Variants in ELMO1 observed in about 807,000 individuals in gnomAD.
ELMO1 encodes engulfment and cell motility protein 1.
ELMO1 carries 26 observed loss-of-function variants against 98.9 expected under a neutral mutation model. The ratio of observed to expected loss-of-function variants is 0.26; its 90% CI spans 0.19 to 0.36. The LOEUF (loss-of-function observed/expected upper bound fraction) is 0.36, where lower values mean the gene tolerates loss of function less well. ELMO1 is among the 10% of genes least tolerant of loss of function. ELMO1 has a pLI of 1.00. For missense variants in ELMO1, 627 were observed against 935.2 expected (o/e 0.67, Z 4.30); for synonymous variants, 346 against 346.0 (o/e 1.00, Z 0.00).
chr7:37,182,447 T>C (rs920646165), intron 13 of ELMO1, among the ~76,000 whole-genome samples: 3 of 139,080 alleles, frequency 2.2e-5, no homozygotes, highest in African/African-American at 8.1e-5. Context: ...AGATCATGAG[T>C]GCTCTTGTGC....
intron 1 of ELMO1, among the ~76,000 whole-genome samples, chr7:37,343,493 T>C (rs1042172414): frequency 7.0e-6 from 1 of 142,732 alleles, no homozygotes; most frequent in African/African-American, 2.6e-5. Flanking sequence ...ATTTCTTTTT[T>C]TTTTTTTTTT....
chr7:37,414,054 C>T (rs149796643), intron 1 of ELMO1, among the ~76,000 whole-genome samples: 241 of 147,066 alleles, frequency 1.6e-3, no homozygotes, highest in African/African-American at 5.6e-3. Flanking sequence ...CAATTTACCT[C>T]CACTTTAATA....
rs1057490305 is a variant in ELMO1, at chr7:37,332,517, C to G, written c.78+10096G>C. ...ATCCGGTCTGAAGAGTCAGAAAAGG[C>G]CTTAGAGAAAGGTCTAAGGAACTTA... On this transcript the variant is annotated intron_variant, in intron 2 of 21. Coordinates refer to ENST00000310758, the MANE Select transcript of ELMO1 (RefSeq NM_014800.11). Among the ~76,000 whole-genome samples, 5 of 152,142 alleles carry G rather than the reference C, an allele frequency of 3.3e-5. No individual in the cohort carries two copies. In the South Asian group the frequency reaches 1.0e-3, roughly 32 times the overall value.
chr7:36,994,615 C>T (rs1280433687), intron 16 of ELMO1, among the ~76,000 whole-genome samples: 1 of 152,228 alleles, frequency 6.6e-6, no homozygotes, highest in African/African-American at 2.4e-5. Flanking sequence ...GTCTCCCATT[C>T]CTTCCTCCTC....
intron 14 of ELMO1, among the ~76,000 whole-genome samples, chr7:37,105,861 G>A (rs1449967854): frequency 1.3e-5 from 2 of 152,148 alleles, no homozygotes; most frequent in East Asian, 1.9e-4. Context: ...GGTGGTTGCC[G>A]GGGGCTGAGA....
rs770533648 is a variant in ELMO1, at chr7:37,225,049, C to T, written c.550-19G>A. The T allele has an allele frequency of 9.3e-6, 15 of 1,613,682 alleles. No individual in the cohort carries two copies. The African/African-American group carries it at 1.9e-4, about 20-fold the overall frequency. On this transcript the variant is annotated intron_variant, in intron 8 of 21. Transcript: ENST00000310758. ...TTGCTATCTGAAAATCCAAGTGGGA[C>T]ACAATTGACTGCTCGTGGTAAGTAG...
intron 16 of ELMO1, among the ~76,000 whole-genome samples, chr7:36,976,530 T>C (rs1338426661): frequency 1.3e-5 from 2 of 152,184 alleles, no homozygotes; most frequent in African/African-American, 4.8e-5. Flanking sequence ...AAGAGAAGTA[T>C]CCCATTGGGA....
At chr7:36,910,682 C>T (rs1327752228) in intron 16 of ELMO1, among the ~76,000 whole-genome samples, 1 of 152,154 alleles carries the variant, frequency 6.6e-6, no homozygotes, top group Non-Finnish European at 1.5e-5. Context: ...ACAGTGCAGA[C>T]CTTGCACTGT....
chr7:37,310,927 G>A, intron 4 of ELMO1, among the ~76,000 whole-genome samples: 1 of 149,666 alleles, frequency 6.7e-6, no homozygotes, highest in East Asian at 1.9e-4. Context: ...ACAATGCTTA[G>A]TGCTGTCTCA....
intron 13 of ELMO1, among the ~76,000 whole-genome samples, chr7:37,194,240 T>A (rs550002024): frequency 2.4e-4 from 36 of 152,316 alleles, no homozygotes; most frequent in African/African-American, 7.2e-4. Flanking sequence ...CTTCTGGCTA[T>A]CTCCAGCTGA....
chr7:37,081,854 T>C (rs1029737193), intron 15 of ELMO1, among the ~76,000 whole-genome samples: 3 of 152,172 alleles, frequency 2.0e-5, no homozygotes, highest in Non-Finnish European at 4.4e-5. Context: ...CAATGAACCC[T>C]GCGAGGCCTT....
intron 13 of ELMO1, among the ~76,000 whole-genome samples, chr7:37,175,427 G>A (rs1005679167): frequency 2.6e-5 from 4 of 152,152 alleles, no homozygotes; most frequent in Non-Finnish European, 4.4e-5. Context: ...CTCCCCTTAG[G>A]ACAGCTGAAA....
At chr7:37,420,612 A>G (rs1469476605) in intron 1 of ELMO1, among the ~76,000 whole-genome samples, 1 of 152,210 alleles carries the variant, frequency 6.6e-6, no homozygotes, top group African/African-American at 2.4e-5. Context: ...TGGCTAAAGG[A>G]AGGTGGCATG....
Position 36,855,023 on chromosome 7 carries a change from A to G in ELMO1, c.*528T>C. ...AGGCAAAAGCAGGGAGAGAGGTGGG[A>G]GGAGATTTGAGCGCAGATCTTAATT... On this transcript the variant is annotated 3_prime_UTR_variant, in exon 22 of 22. Transcript: ENST00000310758. The surrounding 1 kb of genome is among the most constrained non-coding windows in gnomAD (Gnocchi z 4.2). 1 of 167,582 alleles carries G rather than the reference A, an allele frequency of 6.0e-6. No homozygotes were observed. The highest frequency in any genetic ancestry group is 1.3e-5 in the Non-Finnish European group (1 of 76,380). The allele number at this position is 167,582 out of a possible 1,614,324, so 10.4% of individuals were successfully genotyped here. A position where few individuals can be genotyped will look rare whatever the true frequency, so the allele number is the denominator to read the frequency against.
At chr7:37,065,707 G>C (rs1217204716) in intron 15 of ELMO1, among the ~76,000 whole-genome samples, 1 of 152,100 alleles carries the variant, frequency 6.6e-6, no homozygotes, top group African/African-American at 2.4e-5. Context: ...TTTCTTTTAG[G>C]GTTCTCTGTC....
chr7:37,379,756 A>G (rs1209671383), intron 1 of ELMO1, among the ~76,000 whole-genome samples: 2 of 152,210 alleles, frequency 1.3e-5, no homozygotes, highest in Non-Finnish European at 2.9e-5. Context: ...AGGAGATATC[A>G]GACTTCTCCT....
chr7:36,857,220 G>A (rs950522600), intron 21 of ELMO1, among the ~76,000 whole-genome samples: 6 of 152,108 alleles, frequency 3.9e-5, no homozygotes, highest in African/African-American at 1.4e-4. Context: ...TAGTGTTAAG[G>A]GATTTCCGGA....
chr7:37,324,538 G>A (rs911180067), intron 2 of ELMO1, among the ~76,000 whole-genome samples: 12 of 152,166 alleles, frequency 7.9e-5, no homozygotes, highest in Admixed American at 2.6e-4. Flanking sequence ...TATTGACTAC[G>A]TGTTTTTCTC....
chr7:37,435,954 A>G (rs1327869797), intron 1 of ELMO1, among the ~76,000 whole-genome samples: 1 of 152,226 alleles, frequency 6.6e-6, no homozygotes, highest in African/African-American at 2.4e-5. Context: ...CCAGTGTAGC[A>G]GGTTCAACTG....
Sources: allele counts gnomAD v4.1 joint callset (sites outside exome capture counted in the v4.1 genomes callset), GRCh38; gene constraint gnomAD v4.1.1; non-coding constraint Gnocchi (gnomAD v3.1); transcripts MANE v1.5; gene names NCBI Gene and HGNC (gene_info 2026-07-23, HGNC 2026-07-21).